DCAF8L2: variants seen among roughly 807,000 people sequenced by gnomAD.
DCAF8L2 encodes the protein DDB1 and CUL4 associated factor 8 like 2.
For missense variants in DCAF8L2, 430 were observed against 490.7 expected, an observed-to-expected ratio of 0.88 and a Z score of 1.17; for synonymous variants, 200 against 190.9, an observed-to-expected ratio of 1.05 and a Z score of -0.39.
chrX:27,494,419 T>C, the DCAF8L2 span, among the ~76,000 whole-genome samples: 2 of 110,267 alleles, frequency 1.8e-5, no homozygotes, highest in Non-Finnish European at 1.9e-5. Flanking sequence ...AATAAATAAA[T>C]AAATAAAAAT....
the DCAF8L2 span, among the ~76,000 whole-genome samples, chrX:27,556,619 A>ACTT: frequency 8.9e-6 from 1 of 111,937 alleles, no homozygotes; most frequent in South Asian, 3.7e-4. Context: ...ATAAAATTTT[A>ACTT]CTTAAAGGAA....
chrX:27,495,305 T>C, the DCAF8L2 span, among the ~76,000 whole-genome samples: 1 of 111,971 alleles, frequency 8.9e-6, no homozygotes, highest in Admixed American at 9.5e-5. Flanking sequence ...TATAGATTAC[T>C]GTCCCTTTGT....
chrX:27,708,222 T>C (rs1602759559), intron 3 of DCAF8L2, among the ~76,000 whole-genome samples: 1 of 111,785 alleles, frequency 8.9e-6, no homozygotes, highest in East Asian at 2.8e-4. Flanking sequence ...GTGCTCAGTA[T>C]TTAGCTCTCA....
chrX:27,663,708 T>A (rs1223692011), intron 2 of DCAF8L2, among the ~76,000 whole-genome samples: 1 of 109,019 alleles, frequency 9.2e-6, no homozygotes, highest in East Asian at 2.9e-4. Context: ...TTATTTATTT[T>A]ATTTTTTGAG....
At chrX:27,744,775 A>G (rs994767140) in intron 4 of DCAF8L2, among the ~76,000 whole-genome samples, 2 of 111,016 alleles carry the variant, frequency 1.8e-5, no homozygotes, top group Admixed American at 1.9e-4. Flanking sequence ...TGATTGTTAT[A>G]AAGAGTTTTG....
At chrX:27,545,032 G>A in the DCAF8L2 span, among the ~76,000 whole-genome samples, 1 of 112,050 alleles carries the variant, frequency 8.9e-6, no homozygotes, top group Non-Finnish European at 1.9e-5. Context: ...CTCTGTCTCA[G>A]CACAATATGA....
chrX:27,632,874 A>T (rs1369330221), intron 2 of DCAF8L2: 1 of 111,417 alleles, frequency 9.0e-6, no homozygotes, highest in African/African-American at 3.3e-5. Flanking sequence ...TGTCTACCTT[A>T]TCTTAGTAGA....
At chrX:27,573,077 A>T in the DCAF8L2 span, among the ~76,000 whole-genome samples, 6 of 110,905 alleles carry the variant, frequency 5.4e-5, no homozygotes, top group South Asian at 1.1e-3. Flanking sequence ...GAAAAAAAAA[A>T]TTTTAGAAAT....
chrX:27,527,986 AATTAATTATTAAATTAAATTTTTAATTT>A, the DCAF8L2 span, among the ~76,000 whole-genome samples: 1 of 70,942 alleles, frequency 1.4e-5, no homozygotes, highest in African/African-American at 1.0e-4. Flanking sequence ...AATTTAATTT[AATTAATTATTAAATTAAATTTTTAATTT>A]AATTAATTAT....
intron 1 of DCAF8L2, among the ~76,000 whole-genome samples, chrX:27,614,389 T>C (rs1927352775): frequency 9.0e-6 from 1 of 111,592 alleles, no homozygotes; most frequent in South Asian, 3.8e-4. Flanking sequence ...TTTGTTGATC[T>C]TTTCAAAATA....
At chrX:27,501,322 C>T in the DCAF8L2 span, among the ~76,000 whole-genome samples, 1 of 106,505 alleles carries the variant, frequency 9.4e-6, no homozygotes. Flanking sequence ...AAGGAGATGT[C>T]ATGTGGAGCC....
At chrX:27,562,381 C>T in the DCAF8L2 span, among the ~76,000 whole-genome samples, 3 of 112,225 alleles carry the variant, frequency 2.7e-5, no homozygotes, top group African/African-American at 6.5e-5. Flanking sequence ...AAGCTCACCA[C>T]GGTCCACTTA....
At chrX:27,554,847 T>C in the DCAF8L2 span, among the ~76,000 whole-genome samples, 1 of 110,955 alleles carries the variant, frequency 9.0e-6, no homozygotes, top group Non-Finnish European at 1.9e-5. Flanking sequence ...AAGAAGGAAG[T>C]AATACACCAA....
At chrX:27,521,839 T>C in the DCAF8L2 span, among the ~76,000 whole-genome samples, 1 of 111,998 alleles carries the variant, frequency 8.9e-6, no homozygotes, top group African/African-American at 3.2e-5. Context: ...AGCATCCTAT[T>C]TGCCTTTTTT....
chrX:27,671,733 C>T (rs988975088), intron 2 of DCAF8L2, among the ~76,000 whole-genome samples: 4 of 112,075 alleles, frequency 3.6e-5, no homozygotes, highest in Non-Finnish European at 5.6e-5. Context: ...GTCTTCACAG[C>T]TTCTCGGACT....
intron 1 of DCAF8L2, among the ~76,000 whole-genome samples, chrX:27,613,765 C>T (rs888112793): frequency 5.4e-5 from 6 of 110,675 alleles, no homozygotes; most frequent in African/African-American, 1.6e-4. Flanking sequence ...TATTGATTTG[C>T]ATATGTTGAA....
the DCAF8L2 span, among the ~76,000 whole-genome samples, chrX:27,495,124 A>T: frequency 9.0e-6 from 1 of 111,704 alleles, no homozygotes; most frequent in Admixed American, 9.5e-5. Context: ...TTCTTTGCAT[A>T]TGGATATCCA....
At chrX:27,598,771 T>C (rs1210629626) in intron 1 of DCAF8L2, among the ~76,000 whole-genome samples, 1 of 110,129 alleles carries the variant, frequency 9.1e-6, no homozygotes, top group Non-Finnish European at 1.9e-5. Context: ...GCTCGGTATC[T>C]CCCATCTCTG....
chrX:27,552,245 G>A, the DCAF8L2 span, among the ~76,000 whole-genome samples: 1 of 111,148 alleles, frequency 9.0e-6, no homozygotes, highest in Admixed American at 9.6e-5. Flanking sequence ...CATTCTGTAG[G>A]TTGTCTCTTT....
Sources: gnomAD v4.1 joint callset for allele counts (sites outside exome capture counted in the v4.1 genomes callset) on GRCh38, gnomAD v4.1.1 for gene constraint, MANE v1.5 for transcripts, NCBI Gene and HGNC (gene_info 2026-07-23, HGNC 2026-07-21) for gene names.